The following MACROD1 variants were observed in gnomAD, a reference collection of about 807,000 sequenced individuals.
MACROD1 encodes ADP-ribose glycohydrolase MACROD1.
Under a neutral mutation model 41.4 loss-of-function variants are expected in MACROD1, and 31 were observed. The observed-to-expected ratio is 0.75, with a 90% CI of 0.56 to 1.01. The LOEUF (loss-of-function observed/expected upper bound fraction) is 1.01. Among genes scored for constraint, MACROD1 ranks in the 50% least tolerant of loss-of-function variants. The pLI is 0.00. For synonymous variants in MACROD1, 252 were observed against 203.4 expected (o/e 1.24, Z -2.03); for missense variants, 473 against 460.0 (o/e 1.03, Z -0.26).
At chr11:64,159,800 A>C (rs1010521507) in intron 1 of MACROD1, among the ~76,000 whole-genome samples, 2 of 152,238 alleles carry the variant, frequency 1.3e-5, no homozygotes, top group Admixed American at 1.3e-4. Context: ...GTCTCAAAAA[A>C]AATTAAAAAA....
intron 3 of MACROD1, among the ~76,000 whole-genome samples, chr11:64,130,384 GAA>G (rs1945248209): frequency 6.6e-6 from 1 of 152,174 alleles, no homozygotes; most frequent in Non-Finnish European, 1.5e-5. Flanking sequence ...CCTGTACCTG[GAA>G]ACTGCCCTTA....
chr11:64,094,603 G>A (rs1455814547), intron 3 of MACROD1, among the ~76,000 whole-genome samples: 1 of 152,190 alleles, frequency 6.6e-6, no homozygotes, highest in Non-Finnish European at 1.5e-5. Flanking sequence ...AGGCTGACTG[G>A]CAGAGCCATT....
intron 3 of MACROD1, among the ~76,000 whole-genome samples, chr11:64,123,219 C>T (rs573072024): frequency 1.3e-5 from 2 of 152,336 alleles, no homozygotes; most frequent in East Asian, 1.9e-4. Context: ...GTCCGCGTGC[C>T]TCCTCATACT....
chr11:64,125,267 C>A (rs747466705), intron 3 of MACROD1, among the ~76,000 whole-genome samples: 1 of 152,188 alleles, frequency 6.6e-6, no homozygotes, highest in African/African-American at 2.4e-5. Flanking sequence ...GCCCCCCTGC[C>A]TCCCCACACC....
intron 4 of MACROD1, 123 bp downstream of exon 4, chr11:64,015,129 G>C: frequency 9.2e-7 from 1 of 1,089,122 alleles, no homozygotes; most frequent in Non-Finnish European, 1.3e-6. Context: ...GAGGCACCCT[G>C]TGAGGACAGT....
At chr11:64,033,873 AT>A (rs374919199) in intron 3 of MACROD1, among the ~76,000 whole-genome samples, 178 of 151,804 alleles carry the variant, frequency 1.2e-3, no homozygotes, top group African/African-American at 4.2e-3. Context: ...ATTTTTTTGT[AT>A]TTTTTTTATC....
intron 4 of MACROD1, chr11:64,001,379 C>T: frequency 1.4e-6 from 1 of 700,856 alleles, no homozygotes; most frequent in South Asian, 1.5e-5. Flanking sequence ...TCGCCCACGC[C>T]AGGAGCTCCT....
At chr11:64,075,863 G>A (rs1045174530) in intron 3 of MACROD1, among the ~76,000 whole-genome samples, 3 of 152,130 alleles carry the variant, frequency 2.0e-5, no homozygotes, top group East Asian at 1.9e-4. Flanking sequence ...TAGTAGAGAC[G>A]GGGTTTCACC....
Position 64,036,808 on chromosome 11 carries a change from G to A in MACROD1, c.518-21527C>T, listed in dbSNP as rs1157099792. 6.6e-6 allele frequency among the ~76,000 whole-genome samples: 1 copy of A among 152,116 alleles called. No individual in the cohort carries two copies. The highest frequency in any genetic ancestry group is 2.4e-5 in the African/African-American group (1 of 41,432). ...CATGGTGCCTGGGCGGGGGGCGGCG[G>A]GCACCCCCCATCCCCCAGCTCTCAA... is the stretch of plus-strand genomic sequence containing the variant. On this transcript the variant is annotated intron_variant, in intron 3 of 10. Transcript: ENST00000255681. This position sits in a 1 kb window ranked among gnomAD's most constrained non-coding sequence, Gnocchi z 5.6.
rs935613835 is a variant in MACROD1 at position 64,064,031 on chromosome 11, G to A, written c.518-48750C>T. Among the ~76,000 whole-genome samples, 1 of 152,142 alleles carries A rather than the reference G, an allele frequency of 6.6e-6. No individual in the cohort carries two copies. On this transcript the variant is annotated intron_variant, in intron 3 of 10. Transcript: ENST00000255681. The surrounding 1 kb of genome is among the most constrained non-coding windows in gnomAD (Gnocchi z 4.5). Reference sequence around the variant, plus strand: ...CGCAGGGAGAGAGCGCATCTTCACTGGATCTTTGTAGGTTAGCCAGCTTTG... The same window carrying A: ...CGCAGGGAGAGAGCGCATCTTCACTAGATCTTTGTAGGTTAGCCAGCTTTG...
chr11:64,087,948 C>G (rs1035014273), intron 3 of MACROD1, among the ~76,000 whole-genome samples: 1 of 152,140 alleles, frequency 6.6e-6, no homozygotes, highest in Non-Finnish European at 1.5e-5. Context: ...GAGGGGAGGC[C>G]GGGCCTCCTC....
At chr11:64,030,622 CG>C (rs1472694976) in intron 3 of MACROD1, among the ~76,000 whole-genome samples, 1 of 152,150 alleles carries the variant, frequency 6.6e-6, no homozygotes, top group African/African-American at 2.4e-5. Flanking sequence ...CAGCCACACC[CG>C]GATCTTAGAG....
intron 3 of MACROD1, among the ~76,000 whole-genome samples, chr11:64,137,657 C>G (rs893988860): frequency 6.6e-6 from 1 of 152,120 alleles, no homozygotes; most frequent in African/African-American, 2.4e-5. Context: ...AGAGTGTAAA[C>G]TACAAGGGCA....
chr11:64,110,102 C>T (rs1324425462), intron 3 of MACROD1, among the ~76,000 whole-genome samples: 4 of 152,128 alleles, frequency 2.6e-5, no homozygotes, highest in South Asian at 4.1e-4. Context: ...ATTATGACCA[C>T]ATTTATAGAT....
At chr11:64,019,269 C>G (rs779957265) in intron 3 of MACROD1, among the ~76,000 whole-genome samples, 2 of 152,222 alleles carry the variant, frequency 1.3e-5, no homozygotes, top group Non-Finnish European at 2.9e-5. Flanking sequence ...TTAACTGGCT[C>G]TGAGCCCGGT....
At chr11:64,051,874 C>T (rs991489957) in intron 3 of MACROD1, among the ~76,000 whole-genome samples, 1 of 151,612 alleles carries the variant, frequency 6.6e-6, no homozygotes, top group East Asian at 2.0e-4. Flanking sequence ...GCCGTCCCAT[C>T]GTGGGGTCCT....
intron 3 of MACROD1, among the ~76,000 whole-genome samples, chr11:64,028,621 T>C (rs1943253475): frequency 6.6e-6 from 1 of 152,198 alleles, no homozygotes; most frequent in Non-Finnish European, 1.5e-5. Flanking sequence ...AGCGGCAGCG[T>C]GCTGGTTGCT....
intron 10 of MACROD1, 69 bp from the exon 11 acceptor site, chr11:63,998,756 C>A (rs1423493176): frequency 7.0e-7 from 1 of 1,425,310 alleles, no homozygotes; most frequent in Non-Finnish European, 9.1e-7. Flanking sequence ...CGTGGTTTCC[C>A]GCCCTGCTTG....
At chr11:64,162,364 A>G (rs922906637) in intron 1 of MACROD1, among the ~76,000 whole-genome samples, 1 of 151,986 alleles carries the variant, frequency 6.6e-6, no homozygotes, top group Non-Finnish European at 1.5e-5. Flanking sequence ...TTAGTTGCAC[A>G]TGGTGATGCG....
Sources: gnomAD v4.1 joint callset for allele counts (sites outside exome capture counted in the v4.1 genomes callset) on GRCh38, gnomAD v4.1.1 for gene constraint, Gnocchi (gnomAD v3.1) non-coding constraint, MANE v1.5 for transcripts, NCBI Gene and HGNC (gene_info 2026-07-23, HGNC 2026-07-21) for gene names.